Variants in GNB4 observed in about 807,000 individuals in gnomAD.
The protein encoded by GNB4 is G protein subunit beta 4, also known as guanine nucleotide-binding protein subunit beta-4.
A neutral mutation model predicts 45.2 loss-of-function variants in GNB4; 28 were observed. That is an observed-to-expected ratio of 0.62 (90% confidence interval 0.46 to 0.85). The LOEUF (loss-of-function observed/expected upper bound fraction) is 0.85. Ranked by LOEUF, GNB4 falls within the 40% of genes least tolerant of loss-of-function variation. The pLI is 0.00. For missense variants in GNB4, 321 were observed against 425.4 expected, an observed-to-expected ratio of 0.75 and a Z score of 2.16; for synonymous variants, 132 against 143.7, an observed-to-expected ratio of 0.92 and a Z score of 0.58.
chr3:179,445,226 G>C (rs111502914), intron 1 of GNB4, among the ~76,000 whole-genome samples: 3 of 152,222 alleles, frequency 2.0e-5, no homozygotes, highest in African/African-American at 7.2e-5. Context: ...TTCATGACAA[G>C]CTAAAAGTAA....
At chr3:179,470,673 T>G in the GNB4 span, among the ~76,000 whole-genome samples, 155 of 151,988 alleles carry the variant, frequency 1.0e-3, no homozygotes, top group African/African-American at 3.3e-3. Context: ...ACCTCCCAAG[T>G]AGCTGGGACT....
intron 1 of GNB4, among the ~76,000 whole-genome samples, chr3:179,450,272 A>C (rs1190186509): frequency 6.6e-6 from 1 of 152,222 alleles, no homozygotes; most frequent in Non-Finnish European, 1.5e-5. Flanking sequence ...AAAATGAACA[A>C]TGGCAGAGAC....
At chr3:179,509,139 A>G in the GNB4 span, among the ~76,000 whole-genome samples, 3 of 148,982 alleles carry the variant, frequency 2.0e-5, no homozygotes, top group East Asian at 2.0e-4. Context: ...GGAGAAATGG[A>G]GGATTCCAGG....
the GNB4 span, among the ~76,000 whole-genome samples, chr3:179,468,593 C>T: frequency 2.0e-5 from 3 of 152,050 alleles, no homozygotes; most frequent in African/African-American, 7.2e-5. Flanking sequence ...TCATAGCCTC[C>T]ACTCTTTGGA....
the GNB4 span, among the ~76,000 whole-genome samples, chr3:179,473,592 T>C: frequency 5.1e-4 from 77 of 152,112 alleles, 1 homozygote; most frequent in African/African-American, 1.8e-3. Flanking sequence ...TGAGCTACCA[T>C]GTCTAGCCAA....
intron 8 of GNB4, among the ~76,000 whole-genome samples, chr3:179,408,895 C>T (rs1211296498): frequency 2.6e-5 from 4 of 151,910 alleles, no homozygotes; most frequent in Admixed American, 6.6e-5. Flanking sequence ...TCCTGAAATC[C>T]GAGCACTCTG....
the GNB4 span, chr3:179,465,083 G>A: frequency 1.4e-6 from 2 of 1,459,030 alleles, no homozygotes; most frequent in Non-Finnish European, 1.9e-6. Context: ...TACAATTCTT[G>A]CAGATATTGT....
At chr3:179,481,383 C>T in the GNB4 span, among the ~76,000 whole-genome samples, 7 of 152,040 alleles carry the variant, frequency 4.6e-5, no homozygotes, top group Non-Finnish European at 1.0e-4. Context: ...GATCAGAGCT[C>T]ACTTCAGCCT....
At chr3:179,464,996 G>A in the GNB4 span, 6 of 1,536,098 alleles carry the variant, frequency 3.9e-6, no homozygotes, top group Non-Finnish European at 4.5e-6. Flanking sequence ...CACAGATGGG[G>A]TGCATGAACG....
the GNB4 span, among the ~76,000 whole-genome samples, chr3:179,493,730 G>A: frequency 6.6e-6 from 1 of 152,176 alleles, no homozygotes; most frequent in African/African-American, 2.4e-5. Context: ...CCAAGTGGAG[G>A]AAGAAGTGAA....
chr3:179,443,139 G>C (rs1715634984), intron 1 of GNB4, among the ~76,000 whole-genome samples: 1 of 152,164 alleles, frequency 6.6e-6, no homozygotes, highest in Non-Finnish European at 1.5e-5. Flanking sequence ...TTACCATCTA[G>C]CTTATTTGCT....
At chr3:179,412,396 T>C (rs530225244) in intron 8 of GNB4, among the ~76,000 whole-genome samples, 5 of 152,224 alleles carry the variant, frequency 3.3e-5, no homozygotes, top group Admixed American at 2.6e-4. Context: ...GAAGATCACT[T>C]GAGCCCAGGA....
chr3:179,483,249 C>T, the GNB4 span, among the ~76,000 whole-genome samples: 1 of 151,814 alleles, frequency 6.6e-6, no homozygotes, highest in African/African-American at 2.4e-5. Flanking sequence ...CCACAAAAGA[C>T]ATGTATAGTA....
chr3:179,469,828 A>G, the GNB4 span, among the ~76,000 whole-genome samples: 1 of 152,346 alleles, frequency 6.6e-6, no homozygotes, highest in Non-Finnish European at 1.5e-5. Context: ...TAGAAAATGC[A>G]AAAACATACT....
chr3:179,524,561 C>G, the GNB4 span, among the ~76,000 whole-genome samples: 1 of 152,088 alleles, frequency 6.6e-6, no homozygotes, highest in Non-Finnish European at 1.5e-5. Flanking sequence ...GAATTAAGTC[C>G]TGTTGTGGGG....
chr3:179,480,921 G>C, the GNB4 span, among the ~76,000 whole-genome samples: 1 of 145,472 alleles, frequency 6.9e-6, no homozygotes, highest in Non-Finnish European at 1.5e-5. Flanking sequence ...GCGCGATCTC[G>C]GCTCACTGCA....
At chr3:179,419,364 C>T (rs367921320) in intron 4 of GNB4, 35 bp downstream of exon 4, 37 of 1,179,324 alleles carry the variant, frequency 3.1e-5, no homozygotes, top group Non-Finnish European at 3.9e-5. Context: ...AATTCTGCAA[C>T]AGTTTAAAAA....
chr3:179,498,751 T>TTG, the GNB4 span, among the ~76,000 whole-genome samples: 1 of 141,346 alleles, frequency 7.1e-6, no homozygotes, highest in Non-Finnish European at 1.5e-5. Context: ...GAGGTTTGGT[T>TTG]TTTTTTTTTT....
chr3:179,439,964 GTTC>G lies in GNB4; in HGVS notation c.-43+11379_-43+11381del, dbSNP rs572259458. Among the ~76,000 whole-genome samples, 301 of 152,280 alleles carry G rather than the reference GTTC, an allele frequency of 2.0e-3. 3 individuals carry two copies. The highest frequency in any genetic ancestry group is 3.4e-3 in the Middle Eastern group (1 of 294). ...ATATAGATTTTAAAACATTATTCTT[GTTC>G]TTAATTCATTTTAAAGCAAAATAAC... On this transcript the variant is annotated intron_variant, in intron 1 of 9. Transcript: ENST00000232564.
Sources: allele counts gnomAD v4.1 joint callset (sites outside exome capture counted in the v4.1 genomes callset), GRCh38; gene constraint gnomAD v4.1.1; transcripts MANE v1.5; gene names NCBI Gene and HGNC (gene_info 2026-07-23, HGNC 2026-07-21).